FGF14: variants seen among roughly 807,000 people sequenced by gnomAD.
FGF14 encodes fibroblast growth factor homologous factor 4.
In FGF14, 5 loss-of-function variants were observed where a neutral mutation model predicts 25.5. That is an observed-to-expected ratio of 0.20 (90% confidence interval 0.10 to 0.41). FGF14 has a LOEUF of 0.41. Among genes scored for constraint, FGF14 ranks in the 10% least tolerant of loss-of-function variants. The pLI is 1.00. For missense variants in FGF14, 222 were observed against 320.1 expected (o/e 0.69, Z 2.34); for synonymous variants, 138 against 118.3 (o/e 1.17, Z -1.08).
intron 3 of FGF14, among the ~76,000 whole-genome samples, chr13:101,800,306 G>T (rs1192648258): frequency 2.6e-5 from 4 of 151,950 alleles, no homozygotes; most frequent in Non-Finnish European, 5.9e-5. Flanking sequence ...AAATGATACG[G>T]AAATATAAAA....
intron 1 of FGF14, among the ~76,000 whole-genome samples, chr13:101,928,758 T>C (rs1388496609): frequency 6.6e-6 from 1 of 152,172 alleles, no homozygotes; most frequent in Non-Finnish European, 1.5e-5. Flanking sequence ...GACCTCTCCA[T>C]CACAGCTCTG....
chr13:102,065,991 T>C (rs2140126474), intron 1 of FGF14, among the ~76,000 whole-genome samples: 1 of 152,216 alleles, frequency 6.6e-6, no homozygotes, highest in African/African-American at 2.4e-5. Flanking sequence ...CAATCCACTT[T>C]TGTGATGTAG....
chr13:102,193,856 C>G (rs1256681257), intron 1 of FGF14, among the ~76,000 whole-genome samples: 1 of 151,614 alleles, frequency 6.6e-6, no homozygotes, highest in Admixed American at 6.6e-5. Context: ...TGTAAACAAA[C>G]AGGGGAATAT....
At chr13:101,969,176 C>CA (rs1216109641) in intron 1 of FGF14, among the ~76,000 whole-genome samples, 1 of 152,186 alleles carries the variant, frequency 6.6e-6, no homozygotes, top group Non-Finnish European at 1.5e-5. Flanking sequence ...CCTGTGCCAG[C>CA]ACTTAGCTCA....
chr13:101,900,430 C>T (rs963440198), intron 1 of FGF14, among the ~76,000 whole-genome samples: 8 of 151,862 alleles, frequency 5.3e-5, no homozygotes, highest in East Asian at 3.9e-4. Flanking sequence ...TACACCCAAA[C>T]GAAACTGCAT....
At chr13:102,319,403 C>T (rs1279555093) in intron 1 of FGF14, among the ~76,000 whole-genome samples, 4 of 152,308 alleles carry the variant, frequency 2.6e-5, no homozygotes, top group Middle Eastern at 3.4e-3. Context: ...GAAAATTTCC[C>T]AGAAAACCTG....
intron 3 of FGF14, among the ~76,000 whole-genome samples, chr13:101,730,476 A>C (rs750293156): frequency 2.2e-4 from 33 of 152,210 alleles, no homozygotes; most frequent in Non-Finnish European, 4.3e-4. Flanking sequence ...TCAAGAAAGA[A>C]AATATTTTCC....
chr13:101,748,747 T>TAAAAA (rs55785965), intron 3 of FGF14, among the ~76,000 whole-genome samples: 4 of 70,694 alleles, frequency 5.7e-5, no homozygotes, highest in African/African-American at 5.4e-5. Context: ...TGGAGGTTTC[T>TAAAAA]AAAAAAAAAA....
In FGF14 at chr13:101,782,249, C is replaced by T. The variant is rs537697476; in HGVS notation, c.409-55439G>A. 2.0e-5 allele frequency among the ~76,000 whole-genome samples: 3 copies of T among 152,322 alleles called. No individual in the cohort carries two copies. In the East Asian group the frequency reaches 5.8e-4, roughly 29 times the overall value. ...TACTTAGCCAAATAATTGTTATATC[C>T]TATTCATTCTTCCTTAAATTATGTC... On this transcript the variant is annotated intron_variant, in intron 3 of 4. Transcript: ENST00000376143.
At chr13:102,100,577 C>T (rs982957370) in intron 1 of FGF14, among the ~76,000 whole-genome samples, 1 of 152,184 alleles carries the variant, frequency 6.6e-6, no homozygotes, top group African/African-American at 2.4e-5. Context: ...GCACTAGTAA[C>T]AAGCTGCTTG....
At chr13:102,022,796 T>C (rs950105346) in intron 1 of FGF14, among the ~76,000 whole-genome samples, 2 of 152,122 alleles carry the variant, frequency 1.3e-5, no homozygotes, top group East Asian at 1.9e-4. Flanking sequence ...TCTGTATTAA[T>C]AAACATTGTA....
intron 1 of FGF14, among the ~76,000 whole-genome samples, chr13:102,148,878 T>C (rs2140491496): frequency 6.6e-6 from 1 of 152,300 alleles, no homozygotes; most frequent in East Asian, 1.9e-4. Flanking sequence ...GATTCTAAAT[T>C]GGGAGATAGA....
rs542900017 is a variant in FGF14, at chr13:102,035,651, A to T, written c.209-160355T>A. On this transcript the variant is annotated intron_variant, in intron 1 of 4. Coordinates refer to the FGF14 transcript ENST00000376131. The stretch of plus-strand genomic sequence containing the variant: ...ATTATTAGCTTCTCTCTTTAGTTTC[A>T]TGAGGAAGGAAGCTATATTTCTGTA... Among the ~76,000 whole-genome samples the T allele has an allele frequency of 3.3e-5, 5 of 152,244 alleles. No individual in the cohort carries two copies. In the South Asian group the frequency reaches 1.0e-3, roughly 32 times the overall value.
chr13:102,119,634 A>G (rs1172876712), intron 1 of FGF14, among the ~76,000 whole-genome samples: 1 of 152,196 alleles, frequency 6.6e-6, no homozygotes, highest in East Asian at 1.9e-4. Context: ...ATATATATGT[A>G]TGTCTGTGTG....
At chr13:101,735,462 T>C (rs1022842204) in intron 3 of FGF14, among the ~76,000 whole-genome samples, 5 of 151,944 alleles carry the variant, frequency 3.3e-5, no homozygotes, top group Non-Finnish European at 5.9e-5. Context: ...AAGCAACAAA[T>C]ATAAGGAGCA....
At chr13:101,745,841 A>T (rs533016961) in intron 3 of FGF14, among the ~76,000 whole-genome samples, 1 of 152,100 alleles carries the variant, frequency 6.6e-6, no homozygotes, top group South Asian at 2.1e-4. Context: ...TGGAGGTGAA[A>T]TGTTGAGAAC....
At chr13:102,021,074 G>A (rs965142656) in intron 1 of FGF14, among the ~76,000 whole-genome samples, 3 of 151,984 alleles carry the variant, frequency 2.0e-5, no homozygotes, top group African/African-American at 7.2e-5. Context: ...ACTACTGGGT[G>A]TATGTGCCTT....
intron 1 of FGF14, among the ~76,000 whole-genome samples, chr13:102,200,182 T>C (rs1427994223): frequency 6.6e-6 from 1 of 152,220 alleles, no homozygotes; most frequent in Non-Finnish European, 1.5e-5. Context: ...TATATATTTA[T>C]ATGCATATAC....
At chr13:102,135,055 ACAC>A (rs1566730271) in intron 1 of FGF14, among the ~76,000 whole-genome samples, 192 of 147,040 alleles carry the variant, frequency 1.3e-3, no homozygotes, top group African/African-American at 4.7e-3. Flanking sequence ...ACACACACAC[ACAC>A]ACAAATCCGC....
Sources: allele counts gnomAD v4.1 joint callset (sites outside exome capture counted in the v4.1 genomes callset), GRCh38; gene constraint gnomAD v4.1.1; transcripts MANE v1.5; gene names NCBI Gene and HGNC (gene_info 2026-07-23, HGNC 2026-07-21).